The following SOX5 variants were observed in gnomAD, a reference collection of about 807,000 sequenced individuals.
SOX5 encodes SRY-box transcription factor 5.
SOX5 carries 9 observed loss-of-function variants against 92.0 expected under a neutral mutation model. That is an observed-to-expected ratio of 0.10 (90% CI 0.06 to 0.17). SOX5 has a LOEUF of 0.17. Among genes scored for constraint, SOX5 ranks in the 10% least tolerant of loss-of-function variants. The pLI is 1.00. For missense variants in SOX5, 642 were observed against 944.5 expected, an observed-to-expected ratio of 0.68 and a Z score of 4.20; for synonymous variants, 344 against 336.3, an observed-to-expected ratio of 1.02 and a Z score of -0.25.
intron 4 of SOX5, among the ~76,000 whole-genome samples, chr12:24,071,018 A>G (rs1404539589): frequency 2.0e-5 from 3 of 152,194 alleles, no homozygotes; most frequent in Non-Finnish European, 2.9e-5. Flanking sequence ...TTTTCTGTAC[A>G]TTATCTTATT....
chr12:23,576,302 C>T (rs975125510), intron 9 of SOX5, among the ~76,000 whole-genome samples: 1 of 152,044 alleles, frequency 6.6e-6, no homozygotes, highest in Non-Finnish European at 1.5e-5. Flanking sequence ...TAGTTGTGTG[C>T]CTCTGATCAG....
At chr12:23,599,461 C>T (rs752684) in intron 9 of SOX5, among the ~76,000 whole-genome samples, 31,167 of 152,252 alleles carry the variant, frequency 0.2, 3,955 homozygotes, top group Middle Eastern at 0.32. Flanking sequence ...AGAAACACAA[C>T]TGTGACTTGG....
intron 6 of SOX5, among the ~76,000 whole-genome samples, chr12:23,692,431 C>T (rs916593590): frequency 9.6e-4 from 108 of 112,440 alleles, no homozygotes; most frequent in Admixed American, 7.9e-4. Flanking sequence ...AGTGAGACTA[C>T]GCCTCAGGAA....
At chr12:24,478,359 AAAG>A (rs1210482363) in intron 1 of SOX5, among the ~76,000 whole-genome samples, 2 of 152,214 alleles carry the variant, frequency 1.3e-5, no homozygotes, top group East Asian at 3.8e-4. Context: ...TATTTTCTTG[AAAG>A]AAGAGAGACA....
chr12:24,427,408 T>C (rs962797016), intron 1 of SOX5, among the ~76,000 whole-genome samples: 2 of 152,180 alleles, frequency 1.3e-5, no homozygotes, highest in Admixed American at 6.5e-5. Flanking sequence ...TTGAGGATAA[T>C]AGCAAATTTT....
intron 1 of SOX5, among the ~76,000 whole-genome samples, chr12:24,429,512 G>C (rs1431852475): frequency 6.6e-6 from 1 of 151,778 alleles, no homozygotes; most frequent in Non-Finnish European, 1.5e-5. Flanking sequence ...ATGGGGTGGG[G>C]GAAGAAGTAT....
At chr12:24,117,459 GATATAT>G (rs10533613) in intron 4 of SOX5, among the ~76,000 whole-genome samples, 1 of 151,488 alleles carries the variant, frequency 6.6e-6, no homozygotes, top group South Asian at 2.1e-4. Context: ...CCCACTTCTG[GATATAT>G]ATATATACGT....
At chr12:23,737,839 C>T (rs746038449) in intron 5 of SOX5, among the ~76,000 whole-genome samples, 11 of 152,224 alleles carry the variant, frequency 7.2e-5, no homozygotes, top group African/African-American at 2.7e-4. Context: ...CCATGGCTCA[C>T]TCCTACACTT....
In SOX5 at chr12:24,534,230, T is replaced by C. The variant is rs192037066; in HGVS notation, c.-251+28099A>G. 1.6e-3 allele frequency among the ~76,000 whole-genome samples: 246 copies of C among 152,116 alleles called. 2 individuals carry two copies. The highest frequency in any genetic ancestry group is 3.5e-3 in the Admixed American group (54 of 15,280). Reference sequence around the variant, plus strand: ...AATTCAAATGGGACAAAAGCTGCAGTTGAGGGTTTCATGTTATTTCTTTTC... The same window carrying C: ...AATTCAAATGGGACAAAAGCTGCAGCTGAGGGTTTCATGTTATTTCTTTTC... On this transcript the variant is annotated intron_variant, in intron 1 of 4. Transcript: ENST00000446891.
At chr12:23,886,662 C>T (rs1352902614) in intron 2 of SOX5, among the ~76,000 whole-genome samples, 3 of 151,998 alleles carry the variant, frequency 2.0e-5, no homozygotes, top group African/African-American at 7.3e-5. Flanking sequence ...AGATTACTTT[C>T]TAGTTTTATA....
chr12:23,578,089 C>T lies in SOX5; in HGVS notation c.1165-2251G>A, dbSNP rs147324990. Among the ~76,000 whole-genome samples, 1,028 of 113,606 alleles carry T rather than the reference C, an allele frequency of 9.0e-3. 15 individuals carry two copies. The highest frequency in any genetic ancestry group is 0.035 in the Middle Eastern group (5 of 142). 74.5% of individuals were successfully genotyped at this position (113,606 alleles called of 152,430 possible). On this transcript the variant is annotated intron_variant, in intron 9 of 14. Transcript: ENST00000451604. ...TGAGTTAGATCGTGCCACTGCACTCCAGCCTGCGCAACAGAGTGAGACTGT... is the reference window on the plus strand; with the variant it reads ...TGAGTTAGATCGTGCCACTGCACTCTAGCCTGCGCAACAGAGTGAGACTGT...
intron 1 of SOX5, among the ~76,000 whole-genome samples, chr12:23,947,135 A>C (rs1479505527): frequency 6.6e-6 from 1 of 151,986 alleles, no homozygotes; most frequent in Middle Eastern, 3.2e-3. Context: ...ATTAGTAAAA[A>C]TGATCACATA....
chr12:24,425,588 C>T (rs1039611676), intron 1 of SOX5, among the ~76,000 whole-genome samples: 4 of 152,130 alleles, frequency 2.6e-5, no homozygotes, highest in African/African-American at 4.8e-5. Context: ...TTACAACAAT[C>T]GGGAAACCAC....
rs564650260 is a variant in SOX5, at chr12:23,611,936, A to C, written c.1018-7403T>G. On this transcript the variant is annotated intron_variant, in intron 8 of 14. Transcript: ENST00000451604. ...AGGCATTTTAAATTAAAAAAAAAAA[A>C]ACACATTAAGATTACAACTGAAATA... Among the ~76,000 whole-genome samples the C allele has an allele frequency of 5.3e-5, 8 of 152,044 alleles. No individual in the cohort carries two copies. In the East Asian group the frequency reaches 5.8e-4, roughly 11 times the overall value.
chr12:24,553,705 C>G (rs1953452170), intron 1 of SOX5, among the ~76,000 whole-genome samples: 1 of 152,130 alleles, frequency 6.6e-6, no homozygotes, highest in Admixed American at 6.5e-5. Flanking sequence ...ACAGTGGTGC[C>G]ATGAGAATAG....
chr12:23,669,593 T>A (rs1398024535), intron 6 of SOX5, among the ~76,000 whole-genome samples: 2 of 149,092 alleles, frequency 1.3e-5, no homozygotes, highest in African/African-American at 5.0e-5. Flanking sequence ...GGGAAGTTAA[T>A]ATAAGGGAAC....
intron 1 of SOX5, among the ~76,000 whole-genome samples, chr12:24,425,796 C>A (rs1966668193): frequency 6.6e-6 from 1 of 152,154 alleles, no homozygotes; most frequent in South Asian, 2.1e-4. Flanking sequence ...CCTCTTCTTA[C>A]AGAGAAAAAT....
At chr12:24,142,227 G>T (rs1950652263) in intron 4 of SOX5, among the ~76,000 whole-genome samples, 2 of 152,120 alleles carry the variant, frequency 1.3e-5, no homozygotes, top group African/African-American at 4.8e-5. Flanking sequence ...GAGATTGGGG[G>T]TAAGCAGCAC....
intron 3 of SOX5, chr12:24,227,481 T>C (rs1962327556): frequency 6.6e-6 from 1 of 152,146 alleles, no homozygotes; most frequent in Non-Finnish European, 1.5e-5. Flanking sequence ...AGCTCAGAGG[T>C]TCTATTAAAG....
Sources: allele counts gnomAD v4.1 joint callset (sites outside exome capture counted in the v4.1 genomes callset), GRCh38; gene constraint gnomAD v4.1.1; transcripts MANE v1.5; gene names NCBI Gene and HGNC (gene_info 2026-07-23, HGNC 2026-07-21).